DLGAP2: variants seen among roughly 807,000 people sequenced by gnomAD.
DLGAP2 encodes the protein disks large-associated protein 2.
A neutral mutation model predicts 100.3 loss-of-function variants in DLGAP2; 26 were observed. That is an observed-to-expected ratio of 0.26 (90% CI 0.19 to 0.36). The LOEUF is 0.36. DLGAP2 is among the 10% of genes least tolerant of loss of function. DLGAP2 has a pLI of 1.00. For missense variants in DLGAP2, 1,858 were observed against 1,453.2 expected (o/e 1.28, Z -4.53); for synonymous variants, 886 against 630.1 (o/e 1.41, Z -6.08).
chr8:1,639,863 C>G (rs1797856259), intron 8 of DLGAP2, among the ~76,000 whole-genome samples: 1 of 152,202 alleles, frequency 6.6e-6, no homozygotes, highest in Non-Finnish European at 1.5e-5. Flanking sequence ...GACCCCCTCC[C>G]TTCCTCATGT....
chr8:748,223 TCTGCGGTGGGATGGGC>T (rs1206102678), intron 1 of DLGAP2, among the ~76,000 whole-genome samples: 1 of 114,858 alleles, frequency 8.7e-6, no homozygotes, highest in African/African-American at 3.3e-5. Flanking sequence ...GATGAGCGGG[TCTGCGGTGGGATGGGC>T]GGGTCTGCGG....
At chr8:1,254,745 G>A (rs1799132618) in intron 2 of DLGAP2, among the ~76,000 whole-genome samples, 1 of 152,170 alleles carries the variant, frequency 6.6e-6, no homozygotes, top group Non-Finnish European at 1.5e-5. Flanking sequence ...GGTTTCGGGG[G>A]CCGAGTGAGT....
At chr8:1,667,776 A>G (rs921473968) in intron 8 of DLGAP2, among the ~76,000 whole-genome samples, 2 of 152,168 alleles carry the variant, frequency 1.3e-5, no homozygotes, top group African/African-American at 4.8e-5. Context: ...TAGAATCAGC[A>G]TTTTCCACGA....
At chr8:1,334,951 A>G (rs910422291) in intron 3 of DLGAP2, among the ~76,000 whole-genome samples, 5 of 152,172 alleles carry the variant, frequency 3.3e-5, no homozygotes, top group African/African-American at 1.2e-4. Context: ...ATCAGGCAGT[A>G]TCCCGGGACC....
At chr8:1,495,229 C>T (rs1312325015) in intron 3 of DLGAP2, among the ~76,000 whole-genome samples, 1 of 152,174 alleles carries the variant, frequency 6.6e-6, no homozygotes, top group Admixed American at 6.5e-5. Context: ...GGGTCTGAAC[C>T]TGTGGCCTTC....
At chr8:893,260 C>T (rs1312383934) in intron 1 of DLGAP2, 1 of 152,162 alleles carries the variant, frequency 6.6e-6, no homozygotes, top group Non-Finnish European at 1.5e-5. Flanking sequence ...GAGTCACTTT[C>T]CCTTTGGGTA....
intron 3 of DLGAP2, among the ~76,000 whole-genome samples, chr8:1,346,244 G>A (rs756123473): frequency 6.6e-6 from 1 of 150,802 alleles, no homozygotes; most frequent in African/African-American, 2.4e-5. Context: ...GTACACATCT[G>A]CATTGCTCTC....
chr8:1,561,550 T>A (rs1274769165), intron 5 of DLGAP2, among the ~76,000 whole-genome samples: 1 of 152,172 alleles, frequency 6.6e-6, no homozygotes, highest in Non-Finnish European at 1.5e-5. Flanking sequence ...TCACAGCATC[T>A]GGATCTTCTA....
intron 3 of DLGAP2, among the ~76,000 whole-genome samples, chr8:1,498,196 G>A (rs1799605586): frequency 6.6e-6 from 1 of 152,168 alleles, no homozygotes; most frequent in South Asian, 2.1e-4. Flanking sequence ...ATAAGGGGTT[G>A]TGGAGATGCA....
At chr8:837,216 A>G (rs1245914167) in intron 1 of DLGAP2, among the ~76,000 whole-genome samples, 1 of 152,178 alleles carries the variant, frequency 6.6e-6, no homozygotes, top group Non-Finnish European at 1.5e-5. Context: ...CCGTGTGCCC[A>G]GTGCTGCTGG....
intron 2 of DLGAP2, among the ~76,000 whole-genome samples, chr8:1,149,337 C>T (rs917357202): frequency 2.6e-5 from 4 of 151,992 alleles, no homozygotes; most frequent in East Asian, 1.9e-4. Flanking sequence ...TTAGTAGAGG[C>T]GGAGTTTCAC....
chr8:839,248 A>G (rs1257740629), intron 1 of DLGAP2, among the ~76,000 whole-genome samples: 1 of 152,162 alleles, frequency 6.6e-6, no homozygotes, highest in Non-Finnish European at 1.5e-5. Context: ...AATCCAAAGG[A>G]ATTGCACTCA....
chr8:932,880 A>G (rs1289896274), intron 2 of DLGAP2, among the ~76,000 whole-genome samples: 1 of 152,276 alleles, frequency 6.6e-6, no homozygotes, highest in African/African-American at 2.4e-5. Context: ...AAGATCAGTC[A>G]GCATTTCACA....
At chr8:1,332,342 TGTG>T (rs929128204) in intron 3 of DLGAP2, among the ~76,000 whole-genome samples, 1 of 151,484 alleles carries the variant, frequency 6.6e-6, no homozygotes, top group Non-Finnish European at 1.5e-5. Flanking sequence ...ATGCATGTAT[TGTG>T]TGTGTGTATA....
chr8:784,657 T>C (rs1398201068), intron 1 of DLGAP2, among the ~76,000 whole-genome samples: 12 of 152,258 alleles, frequency 7.9e-5, no homozygotes. Context: ...ATCTTTTCCA[T>C]GGGGAGGAAT....
chr8:1,339,803 C>G (rs925280754), intron 3 of DLGAP2, among the ~76,000 whole-genome samples: 1 of 152,160 alleles, frequency 6.6e-6, no homozygotes, highest in African/African-American at 2.4e-5. Context: ...AAGGCGATGG[C>G]TCAGCACTGC....
intron 3 of DLGAP2, among the ~76,000 whole-genome samples, chr8:1,390,306 G>A (rs1796319859): frequency 6.6e-6 from 1 of 152,152 alleles, no homozygotes; most frequent in African/African-American, 2.4e-5. Context: ...ACGCTGTGGT[G>A]TGCTTGTATC....
intron 3 of DLGAP2, among the ~76,000 whole-genome samples, chr8:1,328,526 T>A (rs188601242): frequency 5.3e-5 from 8 of 152,202 alleles, no homozygotes; most frequent in African/African-American, 1.7e-4. Flanking sequence ...TTTTTGGTTT[T>A]TTTTAGTAGA....
chr8:787,812 C>A (rs1020310544), intron 1 of DLGAP2, among the ~76,000 whole-genome samples: 7 of 152,220 alleles, frequency 4.6e-5, no homozygotes, highest in African/African-American at 1.4e-4. Context: ...GCTGTTGGGG[C>A]TTGAGGCCTG....
Sources: gnomAD v4.1 joint callset for allele counts (sites outside exome capture counted in the v4.1 genomes callset) on GRCh38, gnomAD v4.1.1 for gene constraint, MANE v1.5 for transcripts, NCBI Gene and HGNC (gene_info 2026-07-23, HGNC 2026-07-21) for gene names.